Variants in DIP2C observed in about 807,000 individuals in gnomAD.
The protein encoded by DIP2C is disco-interacting protein 2 homolog C.
DIP2C carries 33 observed loss-of-function variants against 192.4 expected under a neutral mutation model. The observed-to-expected ratio is 0.17, with a 90% CI of 0.13 to 0.23. The LOEUF (loss-of-function observed/expected upper bound fraction) is 0.23. DIP2C is among the 10% of genes least tolerant of loss of function. The pLI is 1.00. For missense variants in DIP2C, 1,537 were observed against 2,110.1 expected, an observed-to-expected ratio of 0.73 and a Z score of 5.32; for synonymous variants, 979 against 864.1, an observed-to-expected ratio of 1.13 and a Z score of -2.33.
intron 1 of DIP2C, among the ~76,000 whole-genome samples, chr10:688,893 G>C (rs887125178): frequency 6.6e-6 from 1 of 151,694 alleles, no homozygotes; most frequent in East Asian, 2.0e-4. Flanking sequence ...AACAATGGGG[G>C]TGGGATCCCC....
rs1179439246 is a variant in DIP2C, at chr10:593,335, CAG to C, written c.85+96157_85+96158del. Among the ~76,000 whole-genome samples the C allele has an allele frequency of 3.3e-5, 5 of 152,258 alleles. No homozygotes were observed. In the South Asian group the frequency reaches 6.2e-4, roughly 19 times the overall value. ...TGTAACCCTAAGTCCACGTTTACCC[CAG>C]AGAGTCCCAATTTTATATGTTTTCC... On this transcript the variant is annotated intron_variant, in intron 1 of 36. Coordinates refer to ENST00000280886, the MANE Select transcript of DIP2C (RefSeq NM_014974.3).
intron 1 of DIP2C, among the ~76,000 whole-genome samples, chr10:654,185 G>T (rs1376629438): frequency 1.3e-5 from 2 of 152,192 alleles, no homozygotes; most frequent in African/African-American, 4.8e-5. Flanking sequence ...GACGCTGCCG[G>T]AGATTGGTAG....
At chr10:631,621 G>T (rs1854524917) in intron 1 of DIP2C, among the ~76,000 whole-genome samples, 1 of 152,234 alleles carries the variant, frequency 6.6e-6, no homozygotes, top group Non-Finnish European at 1.5e-5. Context: ...GCTAAAGATT[G>T]TTTTTAAATA....
intron 1 of DIP2C, among the ~76,000 whole-genome samples, chr10:550,006 C>CT (rs11461177): frequency 0.38 from 51,389 of 134,720 alleles, 10,443 homozygotes; most frequent in Non-Finnish European, 0.46. Flanking sequence ...GGACGTGTAG[C>CT]TTTTTTTTTT....
At chr10:394,121 C>G (rs1203130350) in intron 10 of DIP2C, among the ~76,000 whole-genome samples, 1 of 152,266 alleles carries the variant, frequency 6.6e-6, no homozygotes, top group Non-Finnish European at 1.5e-5. Context: ...CCTACATTCA[C>G]TGGAGTGTTA....
At chr10:668,568 TCAAA>T (rs1054320197) in intron 1 of DIP2C, 5 of 151,310 alleles carry the variant, frequency 3.3e-5, no homozygotes, top group Admixed American at 6.6e-5. Context: ...CACATAACAC[TCAAA>T]CATACAATGA....
At chr10:433,494 T>G (rs950762913) in intron 4 of DIP2C, among the ~76,000 whole-genome samples, 3 of 151,958 alleles carry the variant, frequency 2.0e-5, no homozygotes, top group South Asian at 2.1e-4. Flanking sequence ...TTGGCCAACA[T>G]AGTGAAACCC....
intron 1 of DIP2C, among the ~76,000 whole-genome samples, chr10:580,246 T>C (rs1239072097): frequency 6.6e-6 from 1 of 152,156 alleles, no homozygotes; most frequent in East Asian, 1.9e-4. Flanking sequence ...CATATACATG[T>C]GTAAAGTATG....
chr10:312,637 C>T (rs1196157332), intron 31 of DIP2C, among the ~76,000 whole-genome samples: 1 of 152,156 alleles, frequency 6.6e-6, no homozygotes, highest in Non-Finnish European at 1.5e-5. Flanking sequence ...AAGAAAATCA[C>T]GATTCCACTC....
chr10:689,604 G>C lies in DIP2C; in HGVS notation c.-26C>G, dbSNP rs1831471717. The C allele has an allele frequency of 4.5e-6, 5 of 1,117,810 alleles. No homozygotes were observed. The South Asian group carries it at 9.6e-5, about 21-fold the overall frequency. 69.2% of individuals were successfully genotyped at this position (1,117,810 alleles called of 1,614,324 possible). A position where few individuals can be genotyped will look rare whatever the true frequency, so the allele number is the denominator to read the frequency against. ...GCTCCGCGGGCGCCGCGCCCCGCAC[G>C]GCCTCCTCTTTGTTCGCAGGCGGAG... On this transcript the variant is annotated 5_prime_UTR_variant, in exon 1 of 37. Coordinates refer to ENST00000280886, the MANE Select transcript of DIP2C (RefSeq NM_014974.3). This position sits in a 1 kb window ranked among gnomAD's most constrained non-coding sequence, Gnocchi z 6.1.
At chr10:573,939 G>A (rs996512994) in intron 1 of DIP2C, among the ~76,000 whole-genome samples, 6 of 152,200 alleles carry the variant, frequency 3.9e-5, no homozygotes, top group African/African-American at 1.2e-4. Context: ...AGACTAGAGC[G>A]TGACAGGACT....
At chr10:687,432 G>A (rs1319999897) in intron 1 of DIP2C, among the ~76,000 whole-genome samples, 1 of 152,212 alleles carries the variant, frequency 6.6e-6, no homozygotes, top group Non-Finnish European at 1.5e-5. Flanking sequence ...GGAGGGTGCA[G>A]AGAGGCTGAA....
intron 36 of DIP2C, among the ~76,000 whole-genome samples, chr10:279,594 T>G (rs895530455): frequency 5.3e-5 from 8 of 152,204 alleles, no homozygotes; most frequent in Admixed American, 2.0e-4. Flanking sequence ...TCCACAGCGC[T>G]GGGTGTCACA....
intron 4 of DIP2C, among the ~76,000 whole-genome samples, chr10:428,016 T>C (rs1316013680): frequency 6.6e-6 from 1 of 152,168 alleles, no homozygotes; most frequent in African/African-American, 2.4e-5. Flanking sequence ...AATAACCAAC[T>C]GGTAAATGAA....
intron 3 of DIP2C, among the ~76,000 whole-genome samples, chr10:458,102 C>A (rs2133366108): frequency 6.6e-6 from 1 of 152,326 alleles, no homozygotes; most frequent in South Asian, 2.1e-4. Context: ...CCCCACAAGG[C>A]TACTGCCCTC....
intron 32 of DIP2C, among the ~76,000 whole-genome samples, chr10:289,338 T>C (rs777366341): frequency 6.6e-6 from 1 of 151,934 alleles, no homozygotes; most frequent in Non-Finnish European, 1.5e-5. Flanking sequence ...GGCACAATCA[T>C]GGCTCATCGC....
At position 636,663 on chromosome 10, in the gene DIP2C, T is replaced by G. The variant is rs1178108654; in HGVS notation, c.85+52831A>C. The stretch of plus-strand genomic sequence containing the variant: ...TATCTGGGCCACACACTGCGCCGAG[T>G]GACTCTCCTTCCCCATCTTCGTCAG... On this transcript the variant is annotated intron_variant, in intron 1 of 36. Coordinates refer to ENST00000280886, the MANE Select transcript of DIP2C (RefSeq NM_014974.3). The surrounding 1 kb of genome is among the most constrained non-coding windows in gnomAD (Gnocchi z 4.6). Among the ~76,000 whole-genome samples the G allele has an allele frequency of 6.6e-6, 1 of 152,182 alleles. No homozygotes were observed. The highest frequency in any genetic ancestry group is 1.9e-4 in the East Asian group (1 of 5,200).
At chr10:421,210 A>G (rs1966160376) in intron 5 of DIP2C, among the ~76,000 whole-genome samples, 1 of 152,198 alleles carries the variant, frequency 6.6e-6, no homozygotes, top group African/African-American at 2.4e-5. Flanking sequence ...TTTGGGTCAC[A>G]CTGAGCCTTG....
chr10:550,419 G>T (rs1452257697), intron 1 of DIP2C, among the ~76,000 whole-genome samples: 1 of 152,190 alleles, frequency 6.6e-6, no homozygotes, highest in African/African-American at 2.4e-5. Context: ...CACAGAGGCT[G>T]GTAGAGAGAC....
Sources: allele counts gnomAD v4.1 joint callset (sites outside exome capture counted in the v4.1 genomes callset), GRCh38; gene constraint gnomAD v4.1.1; non-coding constraint Gnocchi (gnomAD v3.1); transcripts MANE v1.5; gene names NCBI Gene and HGNC (gene_info 2026-07-23, HGNC 2026-07-21).